Variants in PDE10A observed in about 807,000 individuals in gnomAD.
PDE10A encodes cAMP and cAMP-inhibited cGMP 3',5'-cyclic phosphodiesterase 10A.
A neutral mutation model predicts 97.7 loss-of-function variants in PDE10A; 39 were observed. That is an observed-to-expected ratio of 0.40 (90% CI 0.31 to 0.52). The LOEUF is 0.52. Among genes scored for constraint, PDE10A ranks in the 20% least tolerant of loss-of-function variants. The pLI, the probability that PDE10A is intolerant of heterozygous loss-of-function variation, is 0.56. For synonymous variants in PDE10A, 371 were observed against 376.8 expected (o/e 0.98, Z 0.18); for missense variants, 731 against 1,047.8 (o/e 0.70, Z 4.17).
chr6:165,577,685 C>T (rs763061421), intron 1 of PDE10A, among the ~76,000 whole-genome samples: 13 of 152,338 alleles, frequency 8.5e-5, no homozygotes, highest in Middle Eastern at 3.4e-3. Flanking sequence ...TCCCAGCCAC[C>T]ATCCACTTCA....
At chr6:165,708,315 C>T (rs1791771679) in intron 1 of PDE10A, among the ~76,000 whole-genome samples, 1 of 152,104 alleles carries the variant, frequency 6.6e-6, no homozygotes, top group Non-Finnish European at 1.5e-5. Flanking sequence ...CCGGGCCTCC[C>T]CCATCCCTCT....
At chr6:165,438,314 G>A (rs898819781) in intron 5 of PDE10A, among the ~76,000 whole-genome samples, 19 of 151,990 alleles carry the variant, frequency 1.3e-4, no homozygotes, top group Admixed American at 5.9e-4. Flanking sequence ...TCAGCCTCCC[G>A]AGTAGCTGGG....
At chr6:165,940,361 C>T (rs1390060864) in intron 1 of PDE10A, 1 of 152,270 alleles carries the variant, frequency 6.6e-6, no homozygotes, top group Non-Finnish European at 1.5e-5. Flanking sequence ...CGCGTACAGA[C>T]GCGGGCAGCT....
At chr6:165,862,835 C>A (rs187644709) in intron 1 of PDE10A, among the ~76,000 whole-genome samples, 3 of 152,232 alleles carry the variant, frequency 2.0e-5, no homozygotes, top group Non-Finnish European at 4.4e-5. Flanking sequence ...TGCAGCACCA[C>A]ACCCAGCTAA....
At chr6:165,663,361 C>T (rs529892659), upstream of PDE10A, among the ~76,000 whole-genome samples, 1 of 152,168 alleles carries the variant, frequency 6.6e-6, no homozygotes, top group Admixed American at 6.5e-5. Flanking sequence ...CTCTGTGCGC[C>T]GCCTGCACCC....
chr6:165,528,117 G>C (rs1583472037), intron 2 of PDE10A, among the ~76,000 whole-genome samples: 4 of 152,354 alleles, frequency 2.6e-5, no homozygotes, highest in African/African-American at 9.6e-5. Flanking sequence ...TTGGGTGGAT[G>C]GTCAGGGACT....
rs1583275773 is a variant in PDE10A, at chr6:165,433,123, G to A, written c.1342C>T (p.Arg448Ter). The A allele has an allele frequency of 2.5e-6, 4 of 1,604,942 alleles. No individual in the cohort carries two copies. The highest frequency in any genetic ancestry group is 2.2e-5 in the East Asian group (1 of 44,720). The change falls in exon 7 of 22, where the codon CGA becomes TGA. Residue 448 changes from arginine (R) to a stop codon, truncating the protein, a stop_gained. Coordinates refer to ENST00000539869, the MANE Select transcript of PDE10A (RefSeq NM_001385079.1). LOFTEE classifies it high-confidence loss of function. ...LLVEDILGDE[R>*]FPRGTGLESG... is the part of the protein sequence containing the mutation. ...TCCAGTCCAGTACCTCTTGGAAATCGTTCATCCTGAAAAACAAAAAGACAA... is the reference window on the plus strand; with the variant it reads ...TCCAGTCCAGTACCTCTTGGAAATCATTCATCCTGAAAAACAAAAAGACAA...
chr6:165,581,517 C>T (rs1785616536), intron 1 of PDE10A, among the ~76,000 whole-genome samples: 1 of 152,224 alleles, frequency 6.6e-6, no homozygotes, highest in African/African-American at 2.4e-5. Flanking sequence ...GGAACTGCAT[C>T]AGCCAGCACC....
At chr6:165,932,556 G>A (rs972981049) in intron 1 of PDE10A, among the ~76,000 whole-genome samples, 6 of 151,910 alleles carry the variant, frequency 3.9e-5, no homozygotes, top group Admixed American at 6.6e-5. Context: ...GGCTGGTCTC[G>A]AACTCCTGAC....
At chr6:165,383,944 A>G (rs2128209803) in intron 17 of PDE10A, among the ~76,000 whole-genome samples, 1 of 152,026 alleles carries the variant, frequency 6.6e-6, no homozygotes, top group Admixed American at 6.6e-5. Context: ...TGTAGAGAGA[A>G]CCCGGCCAAT....
intron 1 of PDE10A, among the ~76,000 whole-genome samples, chr6:165,685,296 T>C (rs1439865549): frequency 6.6e-6 from 1 of 151,990 alleles, no homozygotes; most frequent in African/African-American, 2.4e-5. Context: ...AGAGAACAAT[T>C]TCATCAGCAG....
intron 7 of PDE10A, 75 bp downstream of exon 7, chr6:165,432,899 T>C: frequency 9.9e-7 from 1 of 1,012,500 alleles, no homozygotes; most frequent in Non-Finnish European, 1.5e-6. Context: ...TAGTATTACT[T>C]AGCAATACTA....
At chr6:165,535,734 TATA>T (rs1423210475) in intron 2 of PDE10A, among the ~76,000 whole-genome samples, 1 of 151,890 alleles carries the variant, frequency 6.6e-6, no homozygotes, top group Non-Finnish European at 1.5e-5. Context: ...ATCTTTTCTA[TATA>T]ATGATTTATT....
chr6:165,612,920 G>A (rs550762520), intron 1 of PDE10A, among the ~76,000 whole-genome samples: 13 of 152,072 alleles, frequency 8.5e-5, no homozygotes, highest in Non-Finnish European at 1.6e-4. Context: ...AATAACATAA[G>A]AACTATTAGT....
intron 1 of PDE10A, among the ~76,000 whole-genome samples, chr6:165,898,019 C>A (rs150849105): frequency 7.9e-5 from 12 of 151,840 alleles, no homozygotes; most frequent in Admixed American, 2.6e-4. Context: ...AACCCACCCC[C>A]TTGTACAAGC....
intron 18 of PDE10A, among the ~76,000 whole-genome samples, chr6:165,352,100 C>A (rs750970892): frequency 7.9e-5 from 12 of 152,202 alleles, no homozygotes; most frequent in Non-Finnish European, 1.8e-4. Flanking sequence ...GTCATCCACC[C>A]ACCTTGGCCT....
chr6:165,429,427 T>A (rs553245445), intron 9 of PDE10A, among the ~76,000 whole-genome samples: 8 of 152,222 alleles, frequency 5.3e-5, no homozygotes, highest in Middle Eastern at 3.4e-3. Context: ...GGGAGCTTTT[T>A]CAGTCCCATA....
intron 1 of PDE10A, among the ~76,000 whole-genome samples, chr6:165,934,141 G>A (rs1437738081): frequency 1.3e-5 from 2 of 148,310 alleles, no homozygotes; most frequent in Non-Finnish European, 3.0e-5. Flanking sequence ...GCACCACCAT[G>A]CCTGGCTGAT....
chr6:165,629,687 C>G (rs530061834), intron 1 of PDE10A, among the ~76,000 whole-genome samples: 2 of 152,152 alleles, frequency 1.3e-5, no homozygotes, highest in Admixed American at 1.3e-4. Flanking sequence ...GTGCACGCCA[C>G]CACACCCGGC....
Sources: gnomAD v4.1 joint callset for allele counts (sites outside exome capture counted in the v4.1 genomes callset) on GRCh38, gnomAD v4.1.1 for gene constraint, MANE v1.5 for transcripts, NCBI Gene and HGNC (gene_info 2026-07-23, HGNC 2026-07-21) for gene names.